The following ZNF506 variants were observed in gnomAD, a reference collection of about 807,000 sequenced individuals.
ZNF506 encodes the protein zinc finger protein 506.
A neutral mutation model predicts 11.6 loss-of-function variants in ZNF506; 10 were observed. The ratio of observed to expected loss-of-function variants is 0.86; its 90% CI spans 0.53 to 1.46. ZNF506 has a LOEUF of 1.46. Among genes scored for constraint, ZNF506 ranks in the 40% most tolerant of loss-of-function variants. ZNF506 has a pLI of 0.00. For missense variants in ZNF506, 425 were observed against 521.2 expected, an observed-to-expected ratio of 0.82 and a Z score of 1.80; for synonymous variants, 156 against 173.3, an observed-to-expected ratio of 0.90 and a Z score of 0.78.
At chr19:19,803,483 C>A (rs892374545) in intron 3 of ZNF506, among the ~76,000 whole-genome samples, 1 of 152,188 alleles carries the variant, frequency 6.6e-6, no homozygotes, top group African/African-American at 2.4e-5. Flanking sequence ...ATATGCAGAA[C>A]CGTGTGCAAA....
At chr19:19,802,489 AT>A (rs1196947731) in intron 3 of ZNF506, among the ~76,000 whole-genome samples, 1 of 151,776 alleles carries the variant, frequency 6.6e-6, no homozygotes. Flanking sequence ...TAAATAAAAA[AT>A]ATATATATTT....
chr19:19,812,282 TTCCCAGTCACCCTGGG>T (rs1400783938), intron 1 of ZNF506, among the ~76,000 whole-genome samples: 2 of 152,250 alleles, frequency 1.3e-5, no homozygotes, highest in African/African-American at 4.8e-5. Flanking sequence ...TTTGAAGGAA[TTCCCAGTCACCCTGGG>T]CCGCTGGCCC....
intron 1 of ZNF506, among the ~76,000 whole-genome samples, chr19:19,808,606 G>A (rs1395904893): frequency 6.6e-6 from 1 of 151,310 alleles, no homozygotes. Flanking sequence ...AGCACTTTGG[G>A]AGGCACGAGG....
intron 3 of ZNF506, among the ~76,000 whole-genome samples, chr19:19,800,031 T>C (rs1007718229): frequency 6.6e-6 from 1 of 152,196 alleles, no homozygotes; most frequent in African/African-American, 2.4e-5. Flanking sequence ...ACATAATTAC[T>C]GCAGCATTGC....
intron 1 of ZNF506, among the ~76,000 whole-genome samples, chr19:19,818,402 T>C (rs2062948598): frequency 6.6e-6 from 1 of 152,214 alleles, no homozygotes; most frequent in Non-Finnish European, 1.5e-5. Flanking sequence ...ATCAATTATC[T>C]ACCAGATTTT....
intron 1 of ZNF506, among the ~76,000 whole-genome samples, chr19:19,812,979 G>A (rs1013372400): frequency 4.6e-5 from 7 of 152,122 alleles, no homozygotes; most frequent in Non-Finnish European, 1.0e-4. Context: ...CATTGAATAG[G>A]GGTTCTATAT....
At position 19,794,844 on chromosome 19, in the gene ZNF506, T is replaced by G; in HGVS notation, c.1043A>C (p.Lys348Thr). 1 of 1,613,894 alleles carries G rather than the reference T, an allele frequency of 6.2e-7. No individual in the cohort carries two copies. The highest frequency in any genetic ancestry group is 8.5e-7 in the Non-Finnish European group (1 of 1,179,982). ...GAGGCTTGAGTACCAGGTAAAGGTT[T>G]TGCCACATTCGTCACATTTGTAGGG... ...DVPYKCDECGKTFTWYSSLSK... is the reference protein window; with the variant it reads ...DVPYKCDECGTTFTWYSSLSK... Residue 348 changes from lysine (K) to threonine (T), a missense_variant, in exon 4 of 4, where the codon AAA (lysine) becomes ACA (threonine). Around this residue, in one of 3 missense-constraint regions of ZNF506, gnomAD observed 192 missense variants for 215.7 expected, o/e 0.89. Transcript: ENST00000540806.
intron 3 of ZNF506, among the ~76,000 whole-genome samples, chr19:19,804,247 A>C (rs1288877603): frequency 6.6e-6 from 1 of 152,222 alleles, no homozygotes; most frequent in African/African-American, 2.4e-5. Context: ...AAGAAAAAAA[A>C]CAACCCCACC....
In ZNF506 at chr19:19,794,637, T is replaced by C. The variant is rs868640042; in HGVS notation, c.1250A>G (p.Lys417Arg). 1 of 1,613,390 alleles carries C rather than the reference T, an allele frequency of 6.2e-7. No individual in the cohort carries two copies. The highest frequency in any genetic ancestry group is 8.5e-7 in the Non-Finnish European group (1 of 1,179,796). The change falls in exon 4 of 4, where the codon AAA (lysine) becomes AGA (arginine). Residue 417 changes from lysine to arginine, a missense_variant. Physicochemically the swap from Lys to Arg is conservative, Grantham distance 26. Around this residue, in one of 3 missense-constraint regions of ZNF506, gnomAD observed 192 missense variants for 215.7 expected, o/e 0.89. Coordinates refer to ENST00000540806, the MANE Select transcript of ZNF506 (RefSeq NM_001099269.3). The stretch of plus-strand genomic sequence containing the variant: ...GCAGGGTTTCTGTCTAATATGAATT[T>C]TCTTATGTTTATTAAGGGCTGAGGA... The part of the protein sequence containing the change: ...NWSSALNKHK[K>R]IHIRQKPCIV...
At chr19:19,797,373 G>A (rs550517244) in intron 3 of ZNF506, 3 of 151,652 alleles carry the variant, frequency 2.0e-5, no homozygotes, top group Admixed American at 6.6e-5. Context: ...TTGAATGTGG[G>A]AGGCGGAGGT....
Position 19,795,305 on chromosome 19 carries a change from A to G in ZNF506, c.582T>C (p.Ile194=), listed in dbSNP as rs751212779. 3.5e-5 allele frequency: 56 copies of G among 1,613,846 alleles called. No individual in the cohort carries two copies. The highest frequency in any genetic ancestry group is 4.7e-5 in the Non-Finnish European group (55 of 1,179,984). ...ATTTATAGCGTTTCTCTCCAGCATC[A>G]ATTTTCTTATATGTAGTACGGGTTG... The part of the protein sequence containing the change: ...QSSTRTTYKK[I]DAGEKRYKCE... Residue 194 remains isoleucine (I), a synonymous_variant, in exon 4 of 4, where the codon ATT becomes ATC. Transcript: ENST00000540806.
chr19:19,804,815 G>A (rs1159077948), intron 3 of ZNF506, among the ~76,000 whole-genome samples: 1 of 151,986 alleles, frequency 6.6e-6, no homozygotes, highest in African/African-American at 2.4e-5. Flanking sequence ...CCATCATTCT[G>A]AGCAAACTAT....
Position 19,794,948 on chromosome 19 carries a change from G to A in ZNF506, c.939C>T (p.Tyr313=), listed in dbSNP as rs2145168883. 1 of 1,613,842 alleles carries A rather than the reference G, an allele frequency of 6.2e-7. No homozygotes were observed. Among genetic ancestry groups the A allele is most frequent in the East Asian group, 2.2e-5 (1 of 44,862 alleles). The change falls in exon 4 of 4, where the codon TAC becomes TAT. Residue 313 remains tyrosine, a synonymous_variant. Coordinates refer to ENST00000540806, the MANE Select transcript of ZNF506 (RefSeq NM_001099269.3). ...HEIIHTGEKP[Y]KCEECGKAFN... ...AAGCTTTGCCACATTCCTCACATTT[G>A]TAGGGTTTCTCTCCAGTATGAATTA...
At chr19:19,816,594 G>A (rs972671778) in intron 1 of ZNF506, among the ~76,000 whole-genome samples, 3 of 151,962 alleles carry the variant, frequency 2.0e-5, no homozygotes, top group African/African-American at 7.3e-5. Flanking sequence ...TCCTGACCTC[G>A]TGATTCACCC....
intron 3 of ZNF506, among the ~76,000 whole-genome samples, chr19:19,799,896 G>C (rs2062776055): frequency 6.6e-6 from 1 of 150,844 alleles, no homozygotes. Context: ...AATGTTGGAG[G>C]CATTACAATT....
intron 3 of ZNF506, chr19:19,797,445 A>G (rs1269717775): frequency 6.6e-6 from 1 of 151,746 alleles, no homozygotes. Flanking sequence ...GGAAAAAAAA[A>G]AAAAAAAAAA....
At chr19:19,801,410 G>T (rs2062791252) in intron 3 of ZNF506, among the ~76,000 whole-genome samples, 3 of 151,392 alleles carry the variant, frequency 2.0e-5, no homozygotes, top group African/African-American at 7.3e-5. Flanking sequence ...CAGAAGAATC[G>T]CTTGAACCCA....
intron 2 of ZNF506, 109 bp downstream of exon 2, chr19:19,806,833 A>T (rs2062839002): frequency 5.4e-6 from 7 of 1,308,022 alleles, no homozygotes; most frequent in Non-Finnish European, 7.2e-6. Flanking sequence ...GAAAAAGGAG[A>T]TCTGAAACTC....
rs146415985 is a variant in ZNF506 at position 19,794,336 on chromosome 19, G to A, written c.*216C>T. ...AAAAAACAAAAAGAGTTGACAGGTT[G>A]TTATAGGCTTTGCCATATTCTTCAC... On this transcript the variant is annotated 3_prime_UTR_variant, in exon 4 of 4. Coordinates refer to ENST00000540806, the MANE Select transcript of ZNF506 (RefSeq NM_001099269.3). 1.1e-3 allele frequency: 534 copies of A among 471,008 alleles called. 5 individuals are homozygous for A. Among genetic ancestry groups the A allele is most frequent in the African/African-American group, 9.9e-3 (499 of 50,486 alleles). 29.2% of individuals were successfully genotyped at this position (471,008 alleles called of 1,614,324 possible).
Sources: allele counts gnomAD v4.1 joint callset (sites outside exome capture counted in the v4.1 genomes callset), GRCh38; gene constraint gnomAD v4.1.1; regional missense constraint gnomAD v4.1.1; transcripts MANE v1.5; gene names NCBI Gene and HGNC (gene_info 2026-07-23, HGNC 2026-07-21).